HMBOX1: variants seen among roughly 807,000 people sequenced by gnomAD.
HMBOX1 encodes the protein homeobox containing 1.
A neutral mutation model predicts 54.5 loss-of-function variants in HMBOX1; 14 were observed. The observed-to-expected ratio is 0.26, with a 90% CI of 0.17 to 0.40. The LOEUF (loss-of-function observed/expected upper bound fraction) is 0.40, where lower values mean the gene tolerates loss of function less well. HMBOX1 is among the 10% of genes least tolerant of loss of function. The probability of loss-of-function intolerance (pLI) is 1.00; values close to 1 mark genes in which losing one functional copy is unlikely to be tolerated. For synonymous variants in HMBOX1, 160 were observed against 181.0 expected (o/e 0.88, Z 0.93); for missense variants, 332 against 514.4 (o/e 0.65, Z 3.43).
At chr8:29,037,027 T>A (rs1438505642) in intron 6 of HMBOX1, among the ~76,000 whole-genome samples, 1 of 152,216 alleles carries the variant, frequency 6.6e-6, no homozygotes, top group East Asian at 1.9e-4. Flanking sequence ...CCTAGGCCAG[T>A]ACTAATTTTT....
chr8:29,013,459 G>T (rs1284738342), intron 5 of HMBOX1, among the ~76,000 whole-genome samples: 1 of 152,100 alleles, frequency 6.6e-6, no homozygotes, highest in Admixed American at 6.5e-5. Context: ...AACCTCTTCA[G>T]TCTGGATCCA....
chr8:29,042,180 C>G (rs2035644), intron 6 of HMBOX1, among the ~76,000 whole-genome samples: 63,118 of 151,720 alleles, frequency 0.42, 14,069 homozygotes, highest in African/African-American at 0.58. Context: ...AAACAGTGAA[C>G]TAAGATCACT....
intron 1 of HMBOX1, chr8:28,949,556 A>C (rs1309282137): frequency 6.6e-6 from 1 of 152,242 alleles, no homozygotes; most frequent in Non-Finnish European, 1.5e-5. Flanking sequence ...TTAGTATCAC[A>C]GAATCTTTTG....
intron 6 of HMBOX1, among the ~76,000 whole-genome samples, chr8:29,024,253 A>G (rs1235651560): frequency 6.6e-6 from 1 of 152,226 alleles, no homozygotes; most frequent in Non-Finnish European, 1.5e-5. Context: ...CAAAGTGGTA[A>G]CATTTTGGGT....
At chr8:28,900,284 A>ATATATATATATG (rs1813005186) in intron 1 of HMBOX1, among the ~76,000 whole-genome samples, 7 of 144,064 alleles carry the variant, frequency 4.9e-5, no homozygotes, top group Non-Finnish European at 9.1e-5. Context: ...ATATATATAT[A>ATATATATATATG]TATATATTTT....
chr8:29,013,438 T>A (rs931794598), intron 5 of HMBOX1, among the ~76,000 whole-genome samples: 3 of 152,208 alleles, frequency 2.0e-5, no homozygotes, highest in African/African-American at 7.2e-5. Context: ...CCAGCGGAAG[T>A]TCTTTTTTTC....
At chr8:28,914,959 T>C (rs1261854383) in intron 1 of HMBOX1, among the ~76,000 whole-genome samples, 1 of 152,240 alleles carries the variant, frequency 6.6e-6, no homozygotes, top group African/African-American at 2.4e-5. Context: ...GGATTAGATA[T>C]GTTCAGTTGC....
In HMBOX1 at chr8:28,936,097, C is replaced by T. The variant is rs549627672; in HGVS notation, c.-57-27714C>T. 1.9e-4 allele frequency among the ~76,000 whole-genome samples: 29 copies of T among 152,172 alleles called. No homozygotes were observed. The South Asian group carries it at 6.0e-3, about 32-fold the overall frequency. On this transcript the variant is annotated intron_variant, in intron 1 of 9. Coordinates refer to ENST00000287701, the MANE Select transcript of HMBOX1 (RefSeq NM_001135726.3). ...TAGTTGGTCCTTAATAGTTCCTCCC[C>T]TTGAAAAATGCTAAGTATGAAAAGA... is the stretch of plus-strand genomic sequence containing the variant.
At chr8:28,932,314 G>T (rs1819614822) in intron 1 of HMBOX1, among the ~76,000 whole-genome samples, 1 of 152,184 alleles carries the variant, frequency 6.6e-6, no homozygotes, top group South Asian at 2.1e-4. Context: ...GAAGCCAATT[G>T]CAAGATTTTA....
chr8:29,045,313 T>G, intron 6 of HMBOX1, 48 bp from the exon 7 acceptor site: 1 of 1,384,768 alleles, frequency 7.2e-7, no homozygotes, highest in Non-Finnish European at 1.0e-6. Context: ...TTAATGAGAG[T>G]ATGTTTGAAA....
intron 6 of HMBOX1, among the ~76,000 whole-genome samples, chr8:29,039,255 A>G (rs577302051): frequency 6.6e-6 from 1 of 152,196 alleles, no homozygotes. Context: ...CTAGGACTCA[A>G]CATTATTAGG....
At chr8:29,029,532 T>C (rs1455160374) in intron 6 of HMBOX1, among the ~76,000 whole-genome samples, 2 of 152,200 alleles carry the variant, frequency 1.3e-5, no homozygotes, top group African/African-American at 4.8e-5. Flanking sequence ...GAGCCTTCGT[T>C]TGATTTCATT....
At chr8:28,966,166 A>G (rs541813834) in intron 2 of HMBOX1, among the ~76,000 whole-genome samples, 2 of 152,298 alleles carry the variant, frequency 1.3e-5, no homozygotes, top group East Asian at 3.9e-4. Context: ...TAGCTTATGA[A>G]AGTATATTCT....
chr8:29,013,568 G>A (rs750928738), intron 5 of HMBOX1, among the ~76,000 whole-genome samples: 20 of 152,170 alleles, frequency 1.3e-4, no homozygotes, highest in Non-Finnish European at 2.6e-4. Context: ...CTGATAACCC[G>A]ATTGATATAG....
chr8:28,996,049 T>A (rs1831774187), intron 4 of HMBOX1, among the ~76,000 whole-genome samples: 1 of 151,780 alleles, frequency 6.6e-6, no homozygotes, highest in Non-Finnish European at 1.5e-5. Flanking sequence ...GAGCTTGCAG[T>A]GAGCCGAGAT....
chr8:28,990,188 C>T (rs1830779410), intron 4 of HMBOX1, among the ~76,000 whole-genome samples: 1 of 151,920 alleles, frequency 6.6e-6, no homozygotes, highest in Non-Finnish European at 1.5e-5. Context: ...TCTTTTTCCC[C>T]TTTATTGAAC....
At chr8:29,020,876 T>C (rs1008419213) in intron 6 of HMBOX1, among the ~76,000 whole-genome samples, 1 of 152,146 alleles carries the variant, frequency 6.6e-6, no homozygotes, top group Admixed American at 6.5e-5. Context: ...ACTCAAATGT[T>C]GGTATAAGAT....
At chr8:28,900,574 A>G (rs1813068842) in intron 1 of HMBOX1, among the ~76,000 whole-genome samples, 2 of 152,006 alleles carry the variant, frequency 1.3e-5, no homozygotes, top group Admixed American at 1.3e-4. Context: ...AGATCGTGAC[A>G]TGGGCTATAT....
intron 1 of HMBOX1, among the ~76,000 whole-genome samples, chr8:28,920,821 A>G (rs1415167638): frequency 1.3e-5 from 2 of 152,196 alleles, no homozygotes; most frequent in Non-Finnish European, 2.9e-5. Context: ...TGAAATAATC[A>G]TAGTGGAGAA....
Sources: gnomAD v4.1 joint callset for allele counts (sites outside exome capture counted in the v4.1 genomes callset) on GRCh38, gnomAD v4.1.1 for gene constraint, MANE v1.5 for transcripts, NCBI Gene and HGNC (gene_info 2026-07-23, HGNC 2026-07-21) for gene names.